Variants in ZNF573 observed in about 807,000 individuals in gnomAD.
The protein encoded by ZNF573 is zinc finger protein 573.
A neutral mutation model predicts 57.4 loss-of-function variants in ZNF573; 41 were observed. That is an observed-to-expected ratio of 0.71 (90% CI 0.56 to 0.93). ZNF573 has a LOEUF of 0.93. Among genes scored for constraint, ZNF573 ranks in the 40% least tolerant of loss-of-function variants. ZNF573 has a pLI of 0.00. For missense variants in ZNF573, 730 were observed against 794.8 expected (o/e 0.92, Z 0.98); for synonymous variants, 249 against 261.0 (o/e 0.95, Z 0.44).
intron 3 of ZNF573, among the ~76,000 whole-genome samples, chr19:37,770,832 T>TTATATATATATATATATATATATATATA (rs58757674): frequency 2.6e-4 from 24 of 93,728 alleles, no homozygotes; most frequent in East Asian, 7.8e-4. Flanking sequence ...TTAAGTTATT[T>TTATATATATATATATATATATATATATA]TATATATATA....
At chr19:37,746,563 G>GCATATATC (rs1410972634) in intron 4 of ZNF573, among the ~76,000 whole-genome samples, 1 of 152,058 alleles carries the variant, frequency 6.6e-6, no homozygotes, top group Non-Finnish European at 1.5e-5. Flanking sequence ...CGGCGAATGT[G>GCATATATC]CATATATCCA....
intron 4 of ZNF573, among the ~76,000 whole-genome samples, chr19:37,768,451 C>T (rs759512609): frequency 7.9e-5 from 12 of 152,116 alleles, no homozygotes; most frequent in African/African-American, 1.2e-4. Context: ...CTTCAGCCAT[C>T]TCCTTAGCCT....
chr19:37,764,327 GT>G (rs917031407), intron 4 of ZNF573, among the ~76,000 whole-genome samples: 3 of 132,356 alleles, frequency 2.3e-5, no homozygotes, highest in Admixed American at 7.6e-5. Context: ...TTTTTTTGTT[GT>G]TTTTTTTTCT....
At chr19:37,777,095 A>G (rs1320129629) in intron 1 of ZNF573, among the ~76,000 whole-genome samples, 3 of 152,260 alleles carry the variant, frequency 2.0e-5, no homozygotes, top group African/African-American at 7.2e-5. Context: ...TTAAAAAACT[A>G]AAAGTAGAAC....
chr19:37,758,599 A>T (rs1599696588), intron 4 of ZNF573: 2 of 11,406 alleles, frequency 1.8e-4, no homozygotes, highest in Non-Finnish European at 1.2e-3. Flanking sequence ...GACTCCATCT[A>T]AAAAAAAAAA....
intron 4 of ZNF573, among the ~76,000 whole-genome samples, chr19:37,769,652 G>A (rs1282214659): frequency 6.7e-6 from 1 of 150,316 alleles, no homozygotes. Context: ...CCTGAACCCA[G>A]GAGGTGGAGG....
intron 4 of ZNF573, among the ~76,000 whole-genome samples, chr19:37,759,862 A>AT (rs2045534782): frequency 2.0e-5 from 3 of 152,320 alleles, no homozygotes; most frequent in African/African-American, 7.2e-5. Context: ...GTCTTTGTTC[A>AT]TTTTCACTGC....
intron 4 of ZNF573, among the ~76,000 whole-genome samples, chr19:37,746,984 GA>G (rs2045389861): frequency 6.6e-6 from 1 of 152,180 alleles, no homozygotes; most frequent in Admixed American, 6.5e-5. Context: ...AAATGAACCT[GA>G]AGGTAGTACC....
At chr19:37,769,846 T>C (rs1045346039) in intron 4 of ZNF573, among the ~76,000 whole-genome samples, 159 bp downstream of exon 4, 5 of 151,592 alleles carry the variant, frequency 3.3e-5, no homozygotes, top group Admixed American at 6.6e-5. Flanking sequence ...GCTTCTTCCA[T>C]AGCTTATGCT....
chr19:37,778,045 A>G lies in ZNF573; in HGVS notation c.-23+1499T>C, dbSNP rs113565458. ...GTCTCAAAAAAAAAAAAAAAAAAAA[A>G]GTAATATTTAAGAGGTGGTCTCTTG... On this transcript the variant is annotated intron_variant, in intron 1 of 4. Transcript: ENST00000536220. Among the ~76,000 whole-genome samples, 281 of 138,156 alleles carry G rather than the reference A, an allele frequency of 2.0e-3. 11 individuals carry two copies. Among genetic ancestry groups the G allele is most frequent in the Middle Eastern group, 4.0e-3 (1 of 252 alleles). The allele number at this position is 138,156 out of a possible 152,430, so 90.6% of individuals were successfully genotyped here.
At chr19:37,750,347 G>T (rs1490512984) in intron 4 of ZNF573, among the ~76,000 whole-genome samples, 1 of 152,140 alleles carries the variant, frequency 6.6e-6, no homozygotes, top group Non-Finnish European at 1.5e-5. Flanking sequence ...GCCTCCCAAA[G>T]TGCTGGGATT....
chr19:37,740,216 A>C, intron 4 of ZNF573, 22 bp from the exon 5 acceptor site: 1 of 1,528,668 alleles, frequency 6.5e-7, no homozygotes, highest in Non-Finnish European at 8.7e-7. Context: ...GAGGACAACA[A>C]AAAAAATTTG....
At chr19:37,775,842 C>A (rs1264709325) in intron 1 of ZNF573, among the ~76,000 whole-genome samples, 339 of 125,052 alleles carry the variant, frequency 2.7e-3, no homozygotes, top group African/African-American at 5.4e-3. Flanking sequence ...ACAACAGCTG[C>A]AAAAAAAAAA....
intron 4 of ZNF573, among the ~76,000 whole-genome samples, chr19:37,753,717 C>A (rs185751520): frequency 1.3e-5 from 2 of 152,136 alleles, no homozygotes; most frequent in Admixed American, 1.3e-4. Context: ...TATTAGAGTT[C>A]TATGACTTCA....
intron 4 of ZNF573, among the ~76,000 whole-genome samples, chr19:37,758,255 A>G (rs1159838613): frequency 2.1e-5 from 2 of 94,596 alleles, no homozygotes; most frequent in South Asian, 3.8e-4. Flanking sequence ...ATATATATAT[A>G]TATATATATA....
chr19:37,758,900 A>C (rs2045524418), intron 4 of ZNF573: 1 of 208,740 alleles, frequency 4.8e-6, no homozygotes, highest in African/African-American at 2.4e-5. Flanking sequence ...AAAATAATAC[A>C]AAGTACCAGA....
chr19:37,770,832 T>TTTTATATA (rs1555745090), intron 3 of ZNF573, among the ~76,000 whole-genome samples: 2 of 93,734 alleles, frequency 2.1e-5, no homozygotes, highest in Admixed American at 1.2e-4. Flanking sequence ...TTAAGTTATT[T>TTTTATATA]TATATATATA....
chr19:37,738,931 T>C lies in ZNF573; in HGVS notation c.1559A>G (p.His520Arg), dbSNP rs747633696. 13 of 1,610,500 alleles carry C rather than the reference T, an allele frequency of 8.1e-6. No homozygotes were observed. Among genetic ancestry groups the C allele is most frequent in the African/African-American group, 2.7e-5 (2 of 74,826 alleles). ...ACATTCATAGGGTTTCATACCAGTA[T>C]GAATTTTCTGATGTTGATTAAGATA... ...HGYLNQHQKIHTGMKPYECKV... is the reference protein window; with the variant it reads ...HGYLNQHQKIRTGMKPYECKV... The change falls in exon 5 of 5, where the codon CAT (histidine) becomes CGT (arginine). Residue 520 changes from histidine to arginine, a missense_variant. His to Arg is a conservative substitution (Grantham distance 29). Transcript: ENST00000536220.
At chr19:37,745,642 C>T (rs889838537) in intron 4 of ZNF573, among the ~76,000 whole-genome samples, 4 of 151,864 alleles carry the variant, frequency 2.6e-5, no homozygotes, top group Non-Finnish European at 4.4e-5. Flanking sequence ...ATGATCTGCC[C>T]GCTTCAGCCT....
Sources: gnomAD v4.1 joint callset for allele counts (sites outside exome capture counted in the v4.1 genomes callset) on GRCh38, gnomAD v4.1.1 for gene constraint, MANE v1.5 for transcripts, NCBI Gene and HGNC (gene_info 2026-07-23, HGNC 2026-07-21) for gene names.